Variants in KRT3 observed in about 807,000 individuals in gnomAD.
KRT3 encodes keratin, type II cytoskeletal 3.
Under a neutral mutation model 45.8 loss-of-function variants are expected in KRT3, and 34 were observed. The ratio of observed to expected loss-of-function variants is 0.74; its 90% CI spans 0.57 to 0.99. The LOEUF (loss-of-function observed/expected upper bound fraction) is 0.99, where lower values mean the gene tolerates loss of function less well. KRT3 is among the 50% of genes least tolerant of loss of function. KRT3 has a pLI of 0.00. For missense variants in KRT3, 828 were observed against 820.6 expected (o/e 1.01, Z -0.11); for synonymous variants, 367 against 329.0 (o/e 1.12, Z -1.25).
chr12:52,791,857 G>GCTTGA, intron 5 of KRT3, 41 bp from the exon 6 acceptor site: 1 of 1,594,988 alleles, frequency 6.3e-7, no homozygotes, highest in Non-Finnish European at 8.6e-7. Context: ...CTGCAGCTTT[G>GCTTGA]CTTGACTTGT....
chr12:52,790,064 G>A lies in KRT3; in HGVS notation c.1865C>T (p.Ser622Phe), dbSNP rs1299500453. ...GSIKFSQSSQ[S>F]SQRYSR ...TCTTTATCTGGAGTAGCGCTGGGAG[G>A]ACTGGGAGGACTGGGAGAACTTGAT... Residue 622 changes from serine (S) to phenylalanine (F), a missense_variant, in exon 9 of 9, where the codon TCC becomes TTC. Physicochemically the swap from Ser to Phe is radical, Grantham distance 155. Transcript: ENST00000417996. The A allele has an allele frequency of 6.5e-7, 1 of 1,539,740 alleles. No homozygotes were observed. The highest frequency in any genetic ancestry group is 8.7e-7 in the Non-Finnish European group (1 of 1,146,744).
Position 52,791,813 on chromosome 12 carries a change from C to G in KRT3, c.1192G>C (p.Gly398Arg), listed in dbSNP as rs748143077. The G allele has an allele frequency of 1.9e-6, 3 of 1,613,858 alleles. No individual in the cohort carries two copies. In the South Asian group the frequency reaches 3.3e-5, roughly 18 times the overall value. The change falls in exon 6 of 9, where the codon GGG becomes CGG. Residue 398 changes from glycine to arginine, a missense_variant. Transcript: ENST00000417996. ...CTGCCAGCCGTGGTCTGCAGCTCCC[C>G]CAACTGCAGAACAGAAGGGAAGATG... ...EAEALYQTKL[G>R]ELQTTAGRHG...
chr12:52,795,510 C>A lies in KRT3; in HGVS notation c.533G>T (p.Ser178Ile). 1 of 1,614,170 alleles carries A rather than the reference C, an allele frequency of 6.2e-7. No individual in the cohort carries two copies. The highest frequency in any genetic ancestry group is 8.5e-7 in the Non-Finnish European group (1 of 1,180,030). The change falls in exon 1 of 9, where the codon AGT becomes ATT. Residue 178 changes from serine (S) to isoleucine (I), a missense_variant. Physicochemically the swap from Ser to Ile is moderately radical, Grantham distance 142 (BLOSUM62 -2). Coordinates refer to ENST00000417996, the MANE Select transcript of KRT3 (RefSeq NM_057088.3). The part of the protein sequence containing the change: ...GGIQEVTINQ[S>I]LLQPLNVEID... ...CTCCACATTGAGGGGCTGCAGGAGA[C>A]TCTGGTTGATAGTCACTTCCTGAAT... is the stretch of plus-strand genomic sequence containing the variant.
rs1939444406 is a variant in KRT3, at chr12:52,789,904, G to A, written c.*138C>T. On this transcript the variant is annotated 3_prime_UTR_variant, in exon 9 of 9. Coordinates refer to ENST00000417996, the MANE Select transcript of KRT3 (RefSeq NM_057088.3). Reference sequence around the variant, plus strand: ...GGGCTTGGCCGGGGATCTGGAAGGAGGAGCAAGAGGCCACAAGCCTTCCAG... The same window carrying A: ...GGGCTTGGCCGGGGATCTGGAAGGAAGAGCAAGAGGCCACAAGCCTTCCAG... 3 of 857,674 alleles carry A rather than the reference G, an allele frequency of 3.5e-6. No individual in the cohort carries two copies. The highest frequency in any genetic ancestry group is 5.5e-6 in the Non-Finnish European group (3 of 540,848). The allele number at this position is 857,674 out of a possible 1,614,324, so 53.1% of individuals were successfully genotyped here. A position where few individuals can be genotyped will look rare whatever the true frequency, so the allele number is the denominator to read the frequency against.
At chr12:52,793,025 C>T (rs1939560988) in intron 3 of KRT3, 138 bp downstream of exon 3, 2 of 704,280 alleles carry the variant, frequency 2.8e-6, no homozygotes, top group East Asian at 2.7e-5. Context: ...ATCTTCCAGA[C>T]TAAGGTGCAC....
chr12:52,793,313 C>T, intron 2 of KRT3, 90 bp from the exon 3 acceptor site: 1 of 852,360 alleles, frequency 1.2e-6, no homozygotes, highest in East Asian at 2.7e-5. Flanking sequence ...TCATCTCTTC[C>T]CTCCCTCCAT....
chr12:52,793,081 T>C (rs1939562304), intron 3 of KRT3, 82 bp downstream of exon 3: 1 of 1,112,078 alleles, frequency 9.0e-7, no homozygotes, highest in African/African-American at 1.5e-5. Flanking sequence ...GGCAGCTCTG[T>C]GGCAGTGGAG....
rs759746553 is a variant in KRT3 at position 52,790,396 on chromosome 12, G to C, written c.1571-38C>G. ...GGACAGGACAGCGATCAGCGACGGC[G>C]CCCAGGCCAGCTGCTATGTTATTGT... is the stretch of plus-strand genomic sequence containing the variant. On this transcript the variant is annotated intron_variant, in intron 8 of 8. Coordinates refer to ENST00000417996, the MANE Select transcript of KRT3 (RefSeq NM_057088.3). 91 of 1,540,304 alleles carry C rather than the reference G, an allele frequency of 5.9e-5. 1 individual carries two copies. In the Admixed American group the frequency reaches 1.7e-3, roughly 29 times the overall value.
intron 1 of KRT3, among the ~76,000 whole-genome samples, chr12:52,794,704 T>G (rs1939599257): frequency 6.6e-6 from 1 of 152,172 alleles, no homozygotes; most frequent in Non-Finnish European, 1.5e-5. Flanking sequence ...TCTACTGACA[T>G]GCTAGCTCTT....
At chr12:52,792,835 T>A (rs372501480) in intron 3 of KRT3, 29 bp from the exon 4 acceptor site, 1 of 1,446,076 alleles carries the variant, frequency 6.9e-7, no homozygotes, top group Non-Finnish European at 9.7e-7. Flanking sequence ...AAAGGCCTTA[T>A]TCTCCCAATG....
Position 52,795,549 on chromosome 12 carries a change from C to T in KRT3, c.494G>A (p.Gly165Asp). Residue 165 changes from glycine (G) to aspartate (D), a missense_variant, in exon 1 of 9, where the codon GGC (glycine) becomes GAC (aspartate). Gly to Asp is a moderately conservative substitution (Grantham distance 94, BLOSUM62 -1). Coordinates refer to ENST00000417996, the MANE Select transcript of KRT3 (RefSeq NM_057088.3). ...LGSPGGFGPG[G>D]FPGGIQEVTI... ...CACTTCCTGAATTCCCCCAGGAAAG[C>T]CCCCAGGGCCAAAGCCACCAGGACT... The T allele has an allele frequency of 1.2e-6, 2 of 1,613,414 alleles. No individual in the cohort carries two copies. Among genetic ancestry groups the T allele is most frequent in the Middle Eastern group, 1.6e-4 (1 of 6,062 alleles).
rs1939441881 is a variant in KRT3, at chr12:52,789,764, G to T, written c.*278C>A. 3.4e-6 allele frequency: 2 copies of T among 595,972 alleles called. No individual in the cohort carries two copies. The highest frequency in any genetic ancestry group is 3.7e-5 in the African/African-American group (2 of 53,860). 36.9% of individuals were successfully genotyped at this position (595,972 alleles called of 1,614,324 possible). ...GCTATATACATCAGAGCTGTAGTGA[G>T]CATCCCACCCAGGGAGGGGACTCCG... On this transcript the variant is annotated 3_prime_UTR_variant, in exon 9 of 9. Transcript: ENST00000417996.
intron 7 of KRT3, 151 bp downstream of exon 7, chr12:52,791,055 C>G: frequency 7.4e-7 from 1 of 1,357,666 alleles, no homozygotes; most frequent in South Asian, 1.2e-5. Flanking sequence ...CATACGTGCC[C>G]TGGGAGGGAG....
intron 2 of KRT3, 93 bp from the exon 3 acceptor site, chr12:52,793,316 C>G: frequency 1.2e-6 from 1 of 812,398 alleles, no homozygotes; most frequent in Non-Finnish European, 2.0e-6. Flanking sequence ...TCTCTTCCCT[C>G]CCTCCATCCC....
rs868756104 is a variant in KRT3 at position 52,795,607 on chromosome 12, A to G, written c.436T>C (p.Ser146Pro). ...CTGCCAGGCCCACCAAAGCCACCAG[A>G]CCCACCAAAGCCACCAGGACCACCA... ...GFGGPGGFGG[S>P]GGFGGPGSLG... is the part of the protein sequence containing the mutation. Residue 146 changes from serine (S) to proline (P), a missense_variant, in exon 1 of 9, where the codon TCT (serine) becomes CCT (proline). Coordinates refer to ENST00000417996, the MANE Select transcript of KRT3 (RefSeq NM_057088.3). 2 of 1,592,558 alleles carry G rather than the reference A, an allele frequency of 1.3e-6. No homozygotes were observed. The highest frequency in any genetic ancestry group is 1.7e-4 in the Middle Eastern group (1 of 6,044).
rs761183629 is a variant in KRT3 at position 52,796,066 on chromosome 12, G to C, written c.-24C>G. ...ATGGTAAGGAGCTTGGCGAAGAGAA[G>C]AGTGTAAGTTAAGCAGGGACACTGA... On this transcript the variant is annotated 5_prime_UTR_variant, in exon 1 of 9. Coordinates refer to ENST00000417996, the MANE Select transcript of KRT3 (RefSeq NM_057088.3). 7 of 1,611,358 alleles carry C rather than the reference G, an allele frequency of 4.3e-6. No individual in the cohort carries two copies. In the East Asian group the frequency reaches 1.3e-4, roughly 31 times the overall value.
At position 52,790,355 on chromosome 12, in the gene KRT3, A is replaced by G; in HGVS notation, c.1574T>C (p.Val525Ala). ...GECPSAVSIS[V>A]VSSSTTSASA... The stretch of plus-strand genomic sequence containing the variant: ...GGCGGAAGTCGTGCTGCTGCTGACC[A>G]CGGCTGTGGGGGAGAGGACAGGACA... The change falls in exon 9 of 9, where the codon GTG becomes GCG. Residue 525 changes from valine to alanine, a missense_variant. Coordinates refer to ENST00000417996, the MANE Select transcript of KRT3 (RefSeq NM_057088.3). 6.3e-6 allele frequency: 10 copies of G among 1,595,226 alleles called. No homozygotes were observed. The highest frequency in any genetic ancestry group is 8.5e-6 in the Non-Finnish European group (10 of 1,170,362).
Position 52,795,710 on chromosome 12 carries a change from A to T in KRT3, c.333T>A (p.Gly111=). 1.2e-6 allele frequency: 2 copies of T among 1,612,208 alleles called. No individual in the cohort carries two copies. Among genetic ancestry groups the T allele is most frequent in the Non-Finnish European group, 1.7e-6 (2 of 1,178,924 alleles). The stretch of plus-strand genomic sequence containing the variant: ...CAAAGCCACCTCCCATTCCTCTGCC[A>T]CCACCAAAGCCACCACCAAAGCCAC... The part of the protein sequence containing the change: ...YGGGFGGGFG[G]GRGMGGGFGG... The change falls in exon 1 of 9, where the codon GGT becomes GGA. Residue 111 remains glycine, a synonymous_variant. Transcript: ENST00000417996.
rs1008412506 is a variant in KRT3 at position 52,793,345 on chromosome 12, T to G, written c.867-122A>C. ...CCATCCCTATCCTGCCCCTCTCAGATGAGCACATCCTCTTTACTATCTCCC... is the reference window on the plus strand; with the variant it reads ...CCATCCCTATCCTGCCCCTCTCAGAGGAGCACATCCTCTTTACTATCTCCC... On this transcript the variant is annotated intron_variant, in intron 2 of 8. Coordinates refer to ENST00000417996, the MANE Select transcript of KRT3 (RefSeq NM_057088.3). 3.3e-5 allele frequency: 22 copies of G among 660,278 alleles called. No homozygotes were observed. In the African/African-American group the frequency reaches 3.9e-4, roughly 12 times the overall value. The allele number at this position is 660,278 out of a possible 1,614,324, so 40.9% of individuals were successfully genotyped here. A position where few individuals can be genotyped will look rare whatever the true frequency, so the allele number is the denominator to read the frequency against.
Sources: gnomAD v4.1 joint callset for allele counts (sites outside exome capture counted in the v4.1 genomes callset) on GRCh38, gnomAD v4.1.1 for gene constraint, MANE v1.5 for transcripts, NCBI Gene and HGNC (gene_info 2026-07-23, HGNC 2026-07-21) for gene names.